SCUBE1: variants seen among roughly 807,000 people sequenced by gnomAD.
SCUBE1 encodes signal peptide, CUB domain and EGF like domain containing 1.
A neutral mutation model predicts 124.4 loss-of-function variants in SCUBE1; 59 were observed. The ratio of observed to expected loss-of-function variants is 0.47; its 90% CI spans 0.38 to 0.59. The LOEUF is 0.59. Among genes scored for constraint, SCUBE1 ranks in the 20% least tolerant of loss-of-function variants. The probability of loss-of-function intolerance (pLI) is 0.00; values close to 1 mark genes in which losing one functional copy is unlikely to be tolerated. For missense variants in SCUBE1, 1,150 were observed against 1,371.2 expected (o/e 0.84, Z 2.55); for synonymous variants, 545 against 550.9 (o/e 0.99, Z 0.15).
At chr22:43,267,305 G>A (rs536781514) in intron 4 of SCUBE1, among the ~76,000 whole-genome samples, 4 of 152,344 alleles carry the variant, frequency 2.6e-5, no homozygotes, top group Admixed American at 2.0e-4. Context: ...AGTGGGGAAA[G>A]AGAGGGGAGA....
chr22:43,318,631 T>C lies in SCUBE1; in HGVS notation c.349+1306A>G, dbSNP rs537721795. On this transcript the variant is annotated intron_variant, in intron 3 of 21. Transcript: ENST00000360835. ...CACTTGGATGCAGGTGGAAGACTGA[T>C]AGAAAACACACCAGCACAACTAAGA... Among the ~76,000 whole-genome samples, 20 of 152,342 alleles carry C rather than the reference T, an allele frequency of 1.3e-4. 1 individual carries two copies. The highest frequency in any genetic ancestry group is 4.8e-4 in the African/African-American group (20 of 41,584).
intron 14 of SCUBE1, among the ~76,000 whole-genome samples, chr22:43,220,154 G>A (rs1191729217): frequency 3.3e-5 from 5 of 152,182 alleles, no homozygotes; most frequent in Non-Finnish European, 5.9e-5. Flanking sequence ...TTGTCCTCCC[G>A]GGTCCCAGCA....
Position 43,211,020 on chromosome 22 carries a change from C to T in SCUBE1, c.2285G>A (p.Gly762Asp). The T allele has an allele frequency of 6.2e-7, 1 of 1,614,120 alleles. No individual in the cohort carries two copies. The highest frequency in any genetic ancestry group is 2.2e-5 in the East Asian group (1 of 44,882). ...TTHRCIRCPV[G>D]TYQPEFGQNH... ...CTGGCCAAACTCGGGCTGGTAGGTG[C>T]CGACGGGGCAGCGGATGCAGCGGTG... The change falls in exon 18 of 22, where the codon GGC becomes GAC. Residue 762 changes from glycine to aspartate, a missense_variant. By Grantham distance (94) the Gly-to-Asp change is moderately conservative (BLOSUM62 -1). This residue lies in a region of SCUBE1 where 757 missense variants were observed against 840.9 expected (regional missense o/e 0.90). Coordinates refer to ENST00000360835, the MANE Select transcript of SCUBE1 (RefSeq NM_173050.5). This position sits in a 1 kb window ranked among gnomAD's most constrained non-coding sequence, Gnocchi z 4.5.
chr22:43,213,192 G>A (rs1371262449), intron 16 of SCUBE1: 2 of 153,664 alleles, frequency 1.3e-5, no homozygotes, highest in Non-Finnish European at 2.9e-5. Flanking sequence ...TTGAGTGAGA[G>A]GCGGGTTTAG....
rs778604800 is a variant in SCUBE1, at chr22:43,291,125, G to A, written c.405C>T (p.Ala135=). The A allele has an allele frequency of 1.2e-6, 2 of 1,613,906 alleles. No homozygotes were observed. Among genetic ancestry groups the A allele is most frequent in the East Asian group, 4.5e-5 (2 of 44,874 alleles). ...NGGCQQICVN[A]MGSYECQCHS... ...GGCACTGACACTCGTAGCTGCCCAT[G>A]GCATTGACGCAGATCTGCTGGCAGC... is the stretch of plus-strand genomic sequence containing the variant. Residue 135 remains alanine, a synonymous_variant, in exon 4 of 22, where the codon GCC becomes GCT. Coordinates refer to ENST00000360835, the MANE Select transcript of SCUBE1 (RefSeq NM_173050.5).
chr22:43,254,587 A>G (rs1923586129), intron 6 of SCUBE1, among the ~76,000 whole-genome samples: 1 of 152,204 alleles, frequency 6.6e-6, no homozygotes, highest in South Asian at 2.1e-4. Context: ...TGGGCAAGCC[A>G]GGGCACCCCA....
intron 4 of SCUBE1, among the ~76,000 whole-genome samples, chr22:43,276,407 G>A (rs1420929395): frequency 6.6e-6 from 1 of 152,216 alleles, no homozygotes; most frequent in Non-Finnish European, 1.5e-5. Flanking sequence ...ACCAGGCCGG[G>A]AGACAAAAAC....
intron 2 of SCUBE1, among the ~76,000 whole-genome samples, chr22:43,326,577 A>C (rs1055903185): frequency 6.6e-6 from 1 of 152,130 alleles, no homozygotes; most frequent in African/African-American, 2.4e-5. Context: ...CTGCAGAGAC[A>C]ATGCCAGAAG....
intron 6 of SCUBE1, among the ~76,000 whole-genome samples, chr22:43,251,008 A>G (rs577814057): frequency 4.7e-4 from 72 of 152,344 alleles, no homozygotes; most frequent in African/African-American, 1.7e-3. Flanking sequence ...TCAGGGCCTC[A>G]GGGTCTTCAT....
chr22:43,238,979 C>T, intron 6 of SCUBE1, 25 bp from the exon 7 acceptor site: 1 of 1,572,442 alleles, frequency 6.4e-7, no homozygotes, highest in Non-Finnish European at 8.7e-7. Context: ...AGACAGAGAC[C>T]TCAGTTTCCT....
chr22:43,226,257 A>T (rs539095227), intron 10 of SCUBE1, among the ~76,000 whole-genome samples: 1 of 152,204 alleles, frequency 6.6e-6, no homozygotes, highest in African/African-American at 2.4e-5. Context: ...GAACCTGTAA[A>T]GTGCACATTA....
intron 4 of SCUBE1, chr22:43,270,702 A>G (rs1924260594): frequency 6.6e-6 from 1 of 152,278 alleles, no homozygotes; most frequent in Non-Finnish European, 1.5e-5. Context: ...GTCACTGAGT[A>G]GGACATGGGA....
rs572018107 is a variant in SCUBE1, at chr22:43,225,886, C to T, written c.1207+1488G>A. ...CCATATCCTTCCTATGCTTGTAAGA[C>T]GGAGATCCCCTCATGCTGCCTCCGC... On this transcript the variant is annotated intron_variant, in intron 10 of 21. Coordinates refer to ENST00000360835, the MANE Select transcript of SCUBE1 (RefSeq NM_173050.5). 3.4e-4 allele frequency among the ~76,000 whole-genome samples: 51 copies of T among 152,186 alleles called. No homozygotes were observed. In the South Asian group the frequency reaches 6.2e-3, roughly 19 times the overall value.
At chr22:43,229,544 C>T (rs759970705) in intron 8 of SCUBE1, among the ~76,000 whole-genome samples, 8 of 152,160 alleles carry the variant, frequency 5.3e-5, no homozygotes, top group African/African-American at 7.2e-5. Flanking sequence ...CTGCAGGAAA[C>T]GGACTGCAGC....
At chr22:43,339,798 A>G (rs1461407946) in intron 1 of SCUBE1, among the ~76,000 whole-genome samples, 6 of 53,172 alleles carry the variant, frequency 1.1e-4, no homozygotes, top group East Asian at 1.5e-3. Context: ...CATTGCTTCA[A>G]CCCTCCCCCA....
At position 43,218,422 on chromosome 22, in the gene SCUBE1, T is replaced by A; in HGVS notation, c.1724A>T (p.Glu575Val). 1 of 1,613,026 alleles carries A rather than the reference T, an allele frequency of 6.2e-7. No homozygotes were observed. Among genetic ancestry groups the A allele is most frequent in the Non-Finnish European group, 8.5e-7 (1 of 1,180,032 alleles). The change falls in exon 15 of 22, where the codon GAA becomes GTA. Residue 575 changes from glutamate to valine, a missense_variant. Glu to Val is a moderately radical substitution (Grantham distance 121). Coordinates refer to ENST00000360835, the MANE Select transcript of SCUBE1 (RefSeq NM_173050.5). ...CTTGATGGCGGCCTGCAGGCTCTGT[T>A]CTGCTCGCTTCCGCAAGCAGTCCGC... ...CEADCLRKRA[E>V]QSLQAAIKTL...
At chr22:43,283,255 A>G (rs1924998271) in intron 4 of SCUBE1, 1 of 152,168 alleles carries the variant, frequency 6.6e-6, no homozygotes, top group East Asian at 1.9e-4. Flanking sequence ...TCCTTTAAAC[A>G]CTGACAGACA....
chr22:43,286,546 G>A (rs891252376), intron 4 of SCUBE1, among the ~76,000 whole-genome samples: 3 of 152,204 alleles, frequency 2.0e-5, no homozygotes, highest in Admixed American at 6.5e-5. Context: ...CTGGACCCTC[G>A]GAATAGCAAC....
At chr22:43,241,340 C>A (rs568500974) in intron 6 of SCUBE1, among the ~76,000 whole-genome samples, 145 of 152,296 alleles carry the variant, frequency 9.5e-4, no homozygotes, top group Non-Finnish European at 9.1e-4. Context: ...GCCTCCCACT[C>A]TCATGCTCCC....
Sources: allele counts gnomAD v4.1 joint callset (sites outside exome capture counted in the v4.1 genomes callset), GRCh38; gene constraint gnomAD v4.1.1; regional missense constraint gnomAD v4.1.1; non-coding constraint Gnocchi (gnomAD v3.1); transcripts MANE v1.5; gene names NCBI Gene and HGNC (gene_info 2026-07-23, HGNC 2026-07-21).